CACNG2: variants seen among roughly 807,000 people sequenced by gnomAD.
CACNG2 encodes the protein voltage-dependent calcium channel gamma-2 subunit.
Under a neutral mutation model 25.9 loss-of-function variants are expected in CACNG2, and 3 were observed. The ratio of observed to expected loss-of-function variants is 0.12; its 90% CI spans 0.05 to 0.30. The LOEUF (loss-of-function observed/expected upper bound fraction) is 0.30. Among genes scored for constraint, CACNG2 ranks in the 10% least tolerant of loss-of-function variants. The pLI, the probability that CACNG2 is intolerant of heterozygous loss-of-function variation, is 1.00. For synonymous variants in CACNG2, 167 were observed against 173.3 expected (o/e 0.96, Z 0.29); for missense variants, 341 against 432.5 (o/e 0.79, Z 1.88).
intron 1 of CACNG2, among the ~76,000 whole-genome samples, chr22:36,642,065 GT>G (rs1253817054): frequency 3.3e-5 from 5 of 152,238 alleles, no homozygotes; most frequent in African/African-American, 9.6e-5. Flanking sequence ...AGAGAAGAGG[GT>G]AGACTGGACT....
intron 1 of CACNG2, among the ~76,000 whole-genome samples, chr22:36,596,292 G>A (rs762352056): frequency 3.9e-5 from 6 of 152,282 alleles, no homozygotes; most frequent in Non-Finnish European, 7.4e-5. Flanking sequence ...GCAGGGATTC[G>A]GGAGGCCTCA....
chr22:36,579,695 C>T (rs1049689498), intron 2 of CACNG2, among the ~76,000 whole-genome samples: 5 of 152,316 alleles, frequency 3.3e-5, no homozygotes, highest in Middle Eastern at 3.4e-3. Context: ...CTGCCACCTG[C>T]CTTCCCCTCG....
chr22:36,584,320 G>A (rs1027929125), intron 2 of CACNG2, among the ~76,000 whole-genome samples: 1 of 152,196 alleles, frequency 6.6e-6, no homozygotes, highest in East Asian at 1.9e-4. Context: ...CAGGCATGGT[G>A]GCGCATGCAT....
chr22:36,655,734 TTC>T (rs1222161130), intron 1 of CACNG2, among the ~76,000 whole-genome samples: 4 of 126,090 alleles, frequency 3.2e-5, no homozygotes, highest in African/African-American at 2.3e-4. Context: ...TTTTCTTTCT[TTC>T]TCTTCCTTTC....
At chr22:36,635,270 C>T (rs373605305) in intron 1 of CACNG2, among the ~76,000 whole-genome samples, 13 of 140,764 alleles carry the variant, frequency 9.2e-5, no homozygotes, top group Admixed American at 3.6e-4. Flanking sequence ...GGCAACAGAG[C>T]GAGACCCCGT....
intron 3 of CACNG2, among the ~76,000 whole-genome samples, chr22:36,565,316 G>T (rs550523284): frequency 1.3e-5 from 2 of 152,356 alleles, no homozygotes; most frequent in African/African-American, 4.8e-5. Context: ...GCGGGTGAAG[G>T]CGGGCTGATG....
At position 36,564,856 on chromosome 22, in the gene CACNG2, T is replaced by A. The variant is rs776951793; in HGVS notation, c.467A>T (p.Tyr156Phe). The change falls in exon 4 of 4, where the codon TAC becomes TTC. Residue 156 changes from tyrosine (Y) to phenylalanine (F), a missense_variant. Coordinates refer to ENST00000300105, the MANE Select transcript of CACNG2 (RefSeq NM_006078.5). This position sits in a 1 kb window ranked among gnomAD's most constrained non-coding sequence, Gnocchi z 6.7. Reference protein sequence around the residue: ...GLSNIIGIIVYISANAGDPSK... With the variant: ...GLSNIIGIIVFISANAGDPSK... ...GGGGTCTCCGGCATTGGCAGATATG[T>A]ACACTATGATGCCAATGATGTTACT... 6.2e-7 allele frequency: 1 copy of A among 1,613,850 alleles called. No individual in the cohort carries two copies. The highest frequency in any genetic ancestry group is 2.2e-5 in the East Asian group (1 of 44,854).
intron 2 of CACNG2, among the ~76,000 whole-genome samples, chr22:36,568,635 C>G (rs1455767355): frequency 6.6e-6 from 1 of 151,952 alleles, no homozygotes; most frequent in Non-Finnish European, 1.5e-5. Flanking sequence ...GAACTCCTGA[C>G]CTCAAGTGAT....
At chr22:36,666,002 G>A (rs2145988350) in intron 1 of CACNG2, among the ~76,000 whole-genome samples, 1 of 152,302 alleles carries the variant, frequency 6.6e-6, no homozygotes, top group South Asian at 2.1e-4. Context: ...AAGCAAAACT[G>A]GGTATATACA....
Position 36,587,336 on chromosome 22 carries a change from G to C in CACNG2, c.295+129C>G, listed in dbSNP as rs1278296134. The C allele has an allele frequency of 3.9e-6, 3 of 771,538 alleles. No individual in the cohort carries two copies. In the Admixed American group the frequency reaches 5.4e-5, roughly 14 times the overall value. The allele number at this position is 771,538 out of a possible 1,614,324, so 47.8% of individuals were successfully genotyped here. ...GAAGGTCTGTACTCCGGAAAGGAGAGAGGCTTAGCTTTTTCCTGCCCTCTG... is the reference window on the plus strand; with the variant it reads ...GAAGGTCTGTACTCCGGAAAGGAGACAGGCTTAGCTTTTTCCTGCCCTCTG... On this transcript the variant is annotated intron_variant, in intron 2 of 3. Coordinates refer to ENST00000300105, the MANE Select transcript of CACNG2 (RefSeq NM_006078.5).
intron 1 of CACNG2, among the ~76,000 whole-genome samples, chr22:36,592,791 G>A (rs1935616519): frequency 6.6e-6 from 1 of 152,164 alleles, no homozygotes; most frequent in Admixed American, 6.5e-5. Context: ...ACCTCGGCGA[G>A]TGCAGAATCT....
chr22:36,599,038 C>G (rs924838279), intron 1 of CACNG2, among the ~76,000 whole-genome samples: 1 of 152,140 alleles, frequency 6.6e-6, no homozygotes, highest in African/African-American at 2.4e-5. Context: ...AGCAATTCTG[C>G]TTAGAAATGT....
At chr22:36,614,323 T>G (rs1276396262) in intron 1 of CACNG2, among the ~76,000 whole-genome samples, 2 of 152,180 alleles carry the variant, frequency 1.3e-5, no homozygotes, top group Non-Finnish European at 2.9e-5. Flanking sequence ...TACTCCCTAT[T>G]GATGCCTTAG....
At chr22:36,651,224 C>CTTTTTTTTTTTTTTTT (rs11411019) in intron 1 of CACNG2, among the ~76,000 whole-genome samples, 1 of 83,112 alleles carries the variant, frequency 1.2e-5, no homozygotes, top group Non-Finnish European at 2.2e-5. Flanking sequence ...CTTCTTCCTC[C>CTTTTTTTTTTTTTTTT]TTTTTTTTTT....
At chr22:36,610,217 G>C (rs1364521489) in intron 1 of CACNG2, among the ~76,000 whole-genome samples, 2 of 151,054 alleles carry the variant, frequency 1.3e-5, no homozygotes, top group South Asian at 2.1e-4. Context: ...CCCTTAGAGC[G>C]TGATTGGGCA....
At chr22:36,676,329 T>C (rs183254827) in intron 1 of CACNG2, among the ~76,000 whole-genome samples, 25 of 152,344 alleles carry the variant, frequency 1.6e-4, no homozygotes, top group Admixed American at 9.1e-4. Context: ...ATTCTCTGAT[T>C]GGAACCATGG....
chr22:36,662,782 G>A (rs1936818809), intron 1 of CACNG2, among the ~76,000 whole-genome samples: 1 of 152,054 alleles, frequency 6.6e-6, no homozygotes, highest in South Asian at 2.1e-4. Context: ...CTTTCGTTCA[G>A]TTTGCCCTAC....
intron 1 of CACNG2, among the ~76,000 whole-genome samples, chr22:36,697,171 C>T (rs1204811620): frequency 1.3e-5 from 2 of 152,190 alleles, no homozygotes; most frequent in East Asian, 3.8e-4. Flanking sequence ...TTTCCTTAGA[C>T]TCAGCTACTC....
chr22:36,643,919 G>A (rs1936481614), intron 1 of CACNG2, among the ~76,000 whole-genome samples: 1 of 152,150 alleles, frequency 6.6e-6, no homozygotes. Flanking sequence ...CCTTGCCCAA[G>A]GTTACATCCG....
Sources: gnomAD v4.1 joint callset for allele counts (sites outside exome capture counted in the v4.1 genomes callset) on GRCh38, gnomAD v4.1.1 for gene constraint, Gnocchi (gnomAD v3.1) non-coding constraint, MANE v1.5 for transcripts, NCBI Gene and HGNC (gene_info 2026-07-23, HGNC 2026-07-21) for gene names.